TNIP1: variants seen among roughly 807,000 people sequenced by gnomAD.
The protein encoded by TNIP1 is TNFAIP3 interacting protein 1.
Under a neutral mutation model 86.6 loss-of-function variants are expected in TNIP1, and 22 were observed. That is an observed-to-expected ratio of 0.25 (90% CI 0.18 to 0.36). The LOEUF is 0.36. Among genes scored for constraint, TNIP1 ranks in the 10% least tolerant of loss-of-function variants. TNIP1 has a pLI of 1.00. For synonymous variants in TNIP1, 294 were observed against 313.0 expected, an observed-to-expected ratio of 0.94 and a Z score of 0.64; for missense variants, 709 against 820.6, an observed-to-expected ratio of 0.86 and a Z score of 1.66.
chr5:151,044,823 T>C (rs1478920906), intron 9 of TNIP1, among the ~76,000 whole-genome samples: 1 of 152,160 alleles, frequency 6.6e-6, no homozygotes, highest in East Asian at 1.9e-4. Flanking sequence ...CGGAATGGAC[T>C]GCAGCACAGG....
At chr5:151,051,135 C>T (rs7713223) in intron 7 of TNIP1, among the ~76,000 whole-genome samples, 136,843 of 152,248 alleles carry the variant, frequency 0.9, 61,691 homozygotes, top group African/African-American at 0.98. Flanking sequence ...GATGGGGTCA[C>T]TAGGGCTATA....
At chr5:151,051,301 G>T (rs1383839997) in intron 7 of TNIP1, among the ~76,000 whole-genome samples, 1 of 152,162 alleles carries the variant, frequency 6.6e-6, no homozygotes, top group Non-Finnish European at 1.5e-5. Flanking sequence ...AGAAACAGGA[G>T]AGGAGGGAAA....
intron 5 of TNIP1, among the ~76,000 whole-genome samples, chr5:151,058,336 C>T (rs892375597): frequency 6.6e-6 from 1 of 152,218 alleles, no homozygotes; most frequent in Non-Finnish European, 1.5e-5. Flanking sequence ...CAAACTAGTA[C>T]AGTATGTAAG....
At chr5:151,054,560 G>A (rs1175139531) in intron 6 of TNIP1, among the ~76,000 whole-genome samples, 1 of 152,202 alleles carries the variant, frequency 6.6e-6, no homozygotes, top group Non-Finnish European at 1.5e-5. Context: ...GCGCATGCAT[G>A]TAGTCTCAGC....
chr5:151,059,828 A>AGAGG (rs1554076446), intron 5 of TNIP1, among the ~76,000 whole-genome samples: 2 of 56,394 alleles, frequency 3.5e-5, no homozygotes, highest in Non-Finnish European at 3.2e-5. Context: ...AGAGAGAGAG[A>AGAGG]GTGTGTGTGT....
intron 3 of TNIP1, among the ~76,000 whole-genome samples, chr5:151,062,962 A>G (rs1244566143): frequency 6.6e-6 from 1 of 152,218 alleles, no homozygotes; most frequent in Non-Finnish European, 1.5e-5. Context: ...TGAGGTGCGG[A>G]TCATTTCCAT....
At chr5:151,060,690 C>T (rs1761449358) in intron 4 of TNIP1, among the ~76,000 whole-genome samples, 2 of 152,126 alleles carry the variant, frequency 1.3e-5, no homozygotes, top group South Asian at 2.1e-4. Context: ...TTTTTAAGGC[C>T]GTGTACTTTT....
At chr5:151,053,577 G>T (rs1030783731) in intron 6 of TNIP1, among the ~76,000 whole-genome samples, 1 of 152,196 alleles carries the variant, frequency 6.6e-6, no homozygotes. Flanking sequence ...CCAGACTCAG[G>T]ACCTCACAGG....
chr5:151,049,956 G>C lies in TNIP1; in HGVS notation c.723-9C>G. ...GCTCCAAATTTTCCTCCCTGGGATG[G>C]AGGTAAACAGAGAAATCACAATGCT... On this transcript the variant is annotated splice_polypyrimidine_tract_variant and intron_variant, in intron 7 of 17. Transcript: ENST00000521591. 1 of 1,613,906 alleles carries C rather than the reference G, an allele frequency of 6.2e-7. No homozygotes were observed. Among genetic ancestry groups the C allele is most frequent in the Non-Finnish European group, 8.5e-7 (1 of 1,179,926 alleles).
At chr5:151,087,377 G>C (rs146729611), upstream of TNIP1, among the ~76,000 whole-genome samples, 294 of 152,290 alleles carry the variant, frequency 1.9e-3, no homozygotes, top group African/African-American at 6.9e-3. Flanking sequence ...GGTTGGGGGG[G>C]ATCTGGGGAG....
chr5:151,067,937 G>T (rs1046256595), intron 1 of TNIP1, among the ~76,000 whole-genome samples: 3 of 152,198 alleles, frequency 2.0e-5, no homozygotes, highest in African/African-American at 7.2e-5. Context: ...GACAAAGCAG[G>T]ATGCAGGATG....
At chr5:151,053,229 C>T (rs1760202549) in intron 6 of TNIP1, among the ~76,000 whole-genome samples, 1 of 151,640 alleles carries the variant, frequency 6.6e-6, no homozygotes, top group Non-Finnish European at 1.5e-5. Flanking sequence ...CCTGCCTCAG[C>T]CTCCTGAGTA....
At chr5:151,059,884 T>G (rs1761316074) in intron 5 of TNIP1, among the ~76,000 whole-genome samples, 1 of 89,344 alleles carries the variant, frequency 1.1e-5, no homozygotes, top group African/African-American at 3.8e-5. Flanking sequence ...CGCGCGCGCA[T>G]GCGTGTAAGT....
upstream of TNIP1, among the ~76,000 whole-genome samples, chr5:151,084,666 T>C (rs908393964): frequency 7.9e-5 from 12 of 152,074 alleles, no homozygotes; most frequent in African/African-American, 2.9e-4. Flanking sequence ...ACAAGAACAT[T>C]CCTCATTGCA....
chr5:151,049,026 T>C (rs902937405), intron 8 of TNIP1, among the ~76,000 whole-genome samples: 1 of 152,150 alleles, frequency 6.6e-6, no homozygotes, highest in Admixed American at 6.5e-5. Context: ...AATAAGAAAA[T>C]AGATTTGCAT....
At chr5:151,059,392 C>A (rs1581844299) in intron 5 of TNIP1, among the ~76,000 whole-genome samples, 3 of 152,292 alleles carry the variant, frequency 2.0e-5, no homozygotes, top group Admixed American at 2.0e-4. Context: ...ACACTGAAGG[C>A]ATGCTAGTTA....
In TNIP1 at chr5:151,035,076, A is replaced by T; in HGVS notation, c.1522-9T>A. ...TCTTTGAATGCTTTTAGCTGAGAGA[A>T]GAAGGGAGGGAGAAAAGACTGTCGG... On this transcript the variant is annotated splice_polypyrimidine_tract_variant and intron_variant, in intron 14 of 17. Coordinates refer to ENST00000521591, the MANE Select transcript of TNIP1 (RefSeq NM_006058.5). The T allele has an allele frequency of 1.2e-6, 2 of 1,613,054 alleles. No homozygotes were observed. The highest frequency in any genetic ancestry group is 1.7e-6 in the Non-Finnish European group (2 of 1,179,558).
chr5:151,065,239 G>T, intron 1 of TNIP1, 108 bp from the exon 2 acceptor site: 1 of 940,640 alleles, frequency 1.1e-6, no homozygotes. Flanking sequence ...CCCACTTTAA[G>T]CTGGTCTGAC....
chr5:151,081,842 C>T (rs1249654990), upstream of TNIP1, among the ~76,000 whole-genome samples: 1 of 151,974 alleles, frequency 6.6e-6, no homozygotes, highest in African/African-American at 2.4e-5. Context: ...TTTCCTAGAC[C>T]GGTAAGGAAC....
Sources: allele counts gnomAD v4.1 joint callset (sites outside exome capture counted in the v4.1 genomes callset), GRCh38; gene constraint gnomAD v4.1.1; transcripts MANE v1.5; gene names NCBI Gene and HGNC (gene_info 2026-07-23, HGNC 2026-07-21).